CSMD1: variants seen among roughly 807,000 people sequenced by gnomAD.
The protein encoded by CSMD1 is CUB and sushi domain-containing protein 1.
Under a neutral mutation model 417.5 loss-of-function variants are expected in CSMD1, and 213 were observed. That is an observed-to-expected ratio of 0.51 (90% CI 0.46 to 0.57). The LOEUF (loss-of-function observed/expected upper bound fraction) is 0.57, where lower values mean the gene tolerates loss of function less well. Ranked by LOEUF, CSMD1 falls within the 20% of genes least tolerant of loss-of-function variation. The pLI is 0.00. For synonymous variants in CSMD1, 2,862 were observed against 1,736.8 expected (o/e 1.65, Z -16.11); for missense variants, 6,923 against 4,529.7 (o/e 1.53, Z -15.17).
chr8:4,762,850 T>G (rs994217762), intron 1 of CSMD1, among the ~76,000 whole-genome samples: 2 of 152,222 alleles, frequency 1.3e-5, no homozygotes, highest in African/African-American at 4.8e-5. Flanking sequence ...TTCTTTGGTA[T>G]GTATTGGAGT....
chr8:4,931,193 A>C (rs144978810), intron 1 of CSMD1, among the ~76,000 whole-genome samples: 21 of 152,320 alleles, frequency 1.4e-4, no homozygotes, highest in African/African-American at 4.3e-4. Flanking sequence ...GGCAGTCCTA[A>C]AAGATTGAAA....
intron 5 of CSMD1, among the ~76,000 whole-genome samples, chr8:3,993,710 G>C (rs1042675284): frequency 3.9e-5 from 6 of 152,168 alleles, no homozygotes; most frequent in African/African-American, 1.4e-4. Flanking sequence ...TTCTTTTGAA[G>C]TCATAAGGCA....
intron 5 of CSMD1, among the ~76,000 whole-genome samples, chr8:3,952,360 C>A (rs1281992338): frequency 6.6e-6 from 1 of 152,078 alleles, no homozygotes. Context: ...TTCTGTTGAA[C>A]CAAACATAAA....
chr8:3,474,995 T>C (rs1001246246), intron 11 of CSMD1, among the ~76,000 whole-genome samples: 14 of 152,160 alleles, frequency 9.2e-5, no homozygotes, highest in African/African-American at 3.4e-4. Context: ...TAAAACTCTG[T>C]CATCTCCCAG....
At chr8:4,775,605 A>C (rs1225345774) in intron 1 of CSMD1, among the ~76,000 whole-genome samples, 1 of 152,196 alleles carries the variant, frequency 6.6e-6, no homozygotes, top group African/African-American at 2.4e-5. Context: ...CAACTAATCA[A>C]TGTTAATTAC....
chr8:4,794,836 C>T (rs150727291), intron 1 of CSMD1, among the ~76,000 whole-genome samples: 1 of 152,286 alleles, frequency 6.6e-6, no homozygotes, highest in African/African-American at 2.4e-5. Flanking sequence ...TTTAGGAAAA[C>T]TGACCTCCAA....
chr8:4,185,672 T>C (rs950229156), intron 3 of CSMD1, among the ~76,000 whole-genome samples: 9 of 152,192 alleles, frequency 5.9e-5, no homozygotes, highest in East Asian at 1.9e-4. Context: ...GTCACGTAAA[T>C]GCCCAATGAA....
At chr8:4,158,424 C>T (rs1323465548) in intron 3 of CSMD1, among the ~76,000 whole-genome samples, 1 of 151,402 alleles carries the variant, frequency 6.6e-6, no homozygotes, top group Non-Finnish European at 1.5e-5. Flanking sequence ...ATATTGCAAA[C>T]AAACAAACAA....
At chr8:3,839,306 ATAC>A (rs1438119348) in intron 5 of CSMD1, among the ~76,000 whole-genome samples, 1 of 123,682 alleles carries the variant, frequency 8.1e-6, no homozygotes, top group Non-Finnish European at 1.6e-5. Flanking sequence ...ACTATTATAT[ATAC>A]TATTAATATA....
rs541430616 is a variant in CSMD1, at chr8:3,718,068, G to A, written c.932-9577C>T. On this transcript the variant is annotated intron_variant, in intron 6 of 69. Transcript: ENST00000635120. ...CATAAAAGAAAATGTTCAGTAATTT[G>A]GTGGTTGAAAAATGCTATCTTATTT... Among the ~76,000 whole-genome samples the A allele has an allele frequency of 2.6e-5, 4 of 152,228 alleles. No homozygotes were observed. The South Asian group carries it at 6.2e-4, about 24-fold the overall frequency.
intron 5 of CSMD1, among the ~76,000 whole-genome samples, chr8:3,966,379 G>A (rs372211043): frequency 2.4e-4 from 37 of 152,158 alleles, no homozygotes; most frequent in East Asian, 2.1e-3. Flanking sequence ...CAAGTCTTGC[G>A]TCTTGAAAAC....
In CSMD1 at chr8:2,966,699, T is replaced by A; in HGVS notation, c.8971A>T (p.Ser2991Cys). 1 of 1,613,812 alleles carries A rather than the reference T, an allele frequency of 6.2e-7. No individual in the cohort carries two copies. Among genetic ancestry groups the A allele is most frequent in the Non-Finnish European group, 8.5e-7 (1 of 1,179,842 alleles). The change falls in exon 58 of 70, where the codon AGT becomes TGT. Residue 2991 changes from serine to cysteine, a missense_variant. Coordinates refer to ENST00000635120, the MANE Select transcript of CSMD1 (RefSeq NM_033225.6). ...PGTPTNGMIV[S>C]SDGILFSSSV... Reference sequence around the variant, plus strand: ...CTGGAGAACAGAATGCCATCACTACTGACAATCATTCCGTTGGTGGGTGTG... The same window carrying A: ...CTGGAGAACAGAATGCCATCACTACAGACAATCATTCCGTTGGTGGGTGTG...
chr8:4,988,570 T>C (rs1228521077), intron 1 of CSMD1, among the ~76,000 whole-genome samples: 2 of 152,254 alleles, frequency 1.3e-5, no homozygotes, highest in East Asian at 1.9e-4. Flanking sequence ...TGAAATGTTA[T>C]TCCTTGGTGG....
At chr8:4,863,083 A>G (rs1802230634) in intron 1 of CSMD1, among the ~76,000 whole-genome samples, 1 of 152,102 alleles carries the variant, frequency 6.6e-6, no homozygotes, top group Non-Finnish European at 1.5e-5. Flanking sequence ...ACACTGTTAT[A>G]GTAGCCGGAA....
At chr8:3,930,840 A>G (rs2129646515) in intron 5 of CSMD1, among the ~76,000 whole-genome samples, 1 of 150,868 alleles carries the variant, frequency 6.6e-6, no homozygotes, top group African/African-American at 2.4e-5. Flanking sequence ...AAAATAAAGT[A>G]ATAGATATCT....
chr8:3,394,012 T>TAAATTTTATATATA (rs1554536992), intron 17 of CSMD1, among the ~76,000 whole-genome samples: 21 of 31,594 alleles, frequency 6.6e-4, no homozygotes, highest in Admixed American at 1.7e-3. Context: ...AAAAAATAAA[T>TAAATTTTATATATA]TATATATATA....
intron 3 of CSMD1, among the ~76,000 whole-genome samples, chr8:4,129,905 C>T (rs192000612): frequency 2.5e-3 from 376 of 152,184 alleles, no homozygotes; most frequent in African/African-American, 8.5e-3. Flanking sequence ...TATCCTTTTA[C>T]TTCTCAGGTA....
chr8:3,641,540 A>C (rs1419265759), intron 7 of CSMD1, among the ~76,000 whole-genome samples: 2 of 152,210 alleles, frequency 1.3e-5, no homozygotes, highest in South Asian at 4.1e-4. Context: ...AGCACACAGA[A>C]AGGGAGTGTA....
intron 5 of CSMD1, among the ~76,000 whole-genome samples, chr8:3,990,729 G>C (rs57830056): frequency 0.013 from 1,941 of 152,174 alleles, 52 homozygotes; most frequent in African/African-American, 0.044. Flanking sequence ...TAAGACAGTC[G>C]ATGGCTTCTC....
Sources: allele counts gnomAD v4.1 joint callset (sites outside exome capture counted in the v4.1 genomes callset), GRCh38; gene constraint gnomAD v4.1.1; transcripts MANE v1.5; gene names NCBI Gene and HGNC (gene_info 2026-07-23, HGNC 2026-07-21).